Variants in CDC42BPA observed in about 807,000 individuals in gnomAD.
CDC42BPA encodes serine/threonine-protein kinase MRCK alpha.
CDC42BPA carries 80 observed loss-of-function variants against 223.5 expected under a neutral mutation model. That is an observed-to-expected ratio of 0.36 (90% CI 0.30 to 0.43). The LOEUF is 0.43. CDC42BPA is among the 20% of genes least tolerant of loss of function. The probability of loss-of-function intolerance (pLI) is 1.00; values close to 1 mark genes in which losing one functional copy is unlikely to be tolerated. For synonymous variants in CDC42BPA, 694 were observed against 718.6 expected, an observed-to-expected ratio of 0.97 and a Z score of 0.55; for missense variants, 1,743 against 2,099.9, an observed-to-expected ratio of 0.83 and a Z score of 3.32.
Position 226,991,835 on chromosome 1 carries a change from C to T in CDC42BPA, c.*2433G>A, listed in dbSNP as rs1178691339. The T allele has an allele frequency of 6.6e-6, 1 of 151,832 alleles. No homozygotes were observed. Among genetic ancestry groups the T allele is most frequent in the African/African-American group, 2.4e-5 (1 of 41,256 alleles). 9.4% of individuals were successfully genotyped at this position (151,832 alleles called of 1,614,324 possible). The stretch of plus-strand genomic sequence containing the variant: ...TATAAGCAACAAAAATTCATAATTA[C>T]TTGTCAAAGCTACAAACTAATGGCT... On this transcript the variant is annotated 3_prime_UTR_variant, in exon 37 of 37. Transcript: ENST00000366766.
intron 21 of CDC42BPA, among the ~76,000 whole-genome samples, chr1:227,065,146 C>T (rs1171395427): frequency 2.0e-5 from 3 of 147,036 alleles, no homozygotes; most frequent in Non-Finnish European, 4.5e-5. Context: ...CCTTCTTTAT[C>T]TGTCCTAAAG....
intron 6 of CDC42BPA, among the ~76,000 whole-genome samples, chr1:227,158,442 T>G (rs1422797056): frequency 1.3e-5 from 2 of 152,222 alleles, no homozygotes; most frequent in Non-Finnish European, 2.9e-5. Flanking sequence ...TTGATTCTAT[T>G]ATCTTCTTAT....
chr1:227,218,710 A>G (rs879741544), intron 2 of CDC42BPA, among the ~76,000 whole-genome samples: 7 of 152,214 alleles, frequency 4.6e-5, no homozygotes, highest in Non-Finnish European at 8.8e-5. Context: ...CATCATACCT[A>G]TAATTCTGAT....
intron 19 of CDC42BPA, among the ~76,000 whole-genome samples, chr1:227,072,986 A>G (rs1678715142): frequency 6.6e-6 from 1 of 152,126 alleles, no homozygotes; most frequent in Non-Finnish European, 1.5e-5. Context: ...TATAGCAAAA[A>G]GCTTATAAAC....
intron 6 of CDC42BPA, among the ~76,000 whole-genome samples, chr1:227,157,728 T>C (rs188971716): frequency 6.6e-6 from 1 of 152,158 alleles, no homozygotes; most frequent in African/African-American, 2.4e-5. Context: ...TCAATATTTT[T>C]CTCTGTTTTT....
At chr1:227,008,144 T>C (rs986392790) in intron 34 of CDC42BPA, among the ~76,000 whole-genome samples, 2 of 152,218 alleles carry the variant, frequency 1.3e-5, no homozygotes, top group African/African-American at 2.4e-5. Context: ...TGAAAGATAT[T>C]TGCTGAATAA....
chr1:227,112,454 C>T lies in CDC42BPA; in HGVS notation c.1891-32G>A, dbSNP rs368009867. The T allele has an allele frequency of 3.8e-5, 56 of 1,462,112 alleles. No individual in the cohort carries two copies. The Admixed American group carries it at 5.2e-4, about 14-fold the overall frequency. The allele number at this position is 1,462,112 out of a possible 1,614,324, so 90.6% of individuals were successfully genotyped here. On this transcript the variant is annotated intron_variant, in intron 13 of 36. Coordinates refer to ENST00000366766, the MANE Select transcript of CDC42BPA (RefSeq NM_001394014.1). ...AACAGAATGAAAAATGCAGATTTCA[C>T]GGTTATAATTTTTTTCCAAACAAAA...
chr1:227,020,389 G>A (rs537137420), intron 32 of CDC42BPA, among the ~76,000 whole-genome samples: 1 of 152,218 alleles, frequency 6.6e-6, no homozygotes, highest in African/African-American at 2.4e-5. Flanking sequence ...TAGCTAAACT[G>A]AATTTCGTAT....
chr1:227,253,232 G>C lies in CDC42BPA; in HGVS notation c.270+832C>G, dbSNP rs555711059. On this transcript the variant is annotated intron_variant, in intron 2 of 36. Coordinates refer to ENST00000366766, the MANE Select transcript of CDC42BPA (RefSeq NM_001394014.1). The stretch of plus-strand genomic sequence containing the variant: ...AGAGAGAGGAGAGAGAGAGGAGGGA[G>C]AGAGAGAAAGAGAGCGAGAGAGAGA... Among the ~76,000 whole-genome samples, 42 of 145,126 alleles carry C rather than the reference G, an allele frequency of 2.9e-4. No homozygotes were observed. The East Asian group carries it at 6.4e-3, about 22-fold the overall frequency.
chr1:227,020,895 C>T (rs962515430), intron 32 of CDC42BPA, among the ~76,000 whole-genome samples: 3 of 152,130 alleles, frequency 2.0e-5, no homozygotes, highest in African/African-American at 7.2e-5. Context: ...TGCGACTCTT[C>T]AGTTGAACAC....
At chr1:227,310,725 C>T (rs1225695054) in intron 1 of CDC42BPA, among the ~76,000 whole-genome samples, 1 of 147,860 alleles carries the variant, frequency 6.8e-6, no homozygotes, top group Non-Finnish European at 1.5e-5. Context: ...CTTGCTCTGT[C>T]GCCCAGACTG....
At chr1:227,034,863 G>A (rs1178385554) in intron 25 of CDC42BPA, 69 bp from the exon 26 acceptor site, 1 of 1,401,876 alleles carries the variant, frequency 7.1e-7, no homozygotes, top group African/African-American at 1.4e-5. Context: ...AATTACATAT[G>A]TAATTGCATG....
At chr1:227,056,450 C>A (rs1674580373) in intron 21 of CDC42BPA, among the ~76,000 whole-genome samples, 1 of 151,660 alleles carries the variant, frequency 6.6e-6, no homozygotes, top group Non-Finnish European at 1.5e-5. Flanking sequence ...GGCAGTGGCA[C>A]AATCACGGGT....
At chr1:227,133,516 T>C (rs972387936) in intron 10 of CDC42BPA, among the ~76,000 whole-genome samples, 3 of 152,116 alleles carry the variant, frequency 2.0e-5, no homozygotes, top group Non-Finnish European at 4.4e-5. Context: ...TTTTGTGGAA[T>C]AGAAAGGGGG....
chr1:227,042,410 G>C (rs1572435449), intron 23 of CDC42BPA, among the ~76,000 whole-genome samples: 1 of 151,902 alleles, frequency 6.6e-6, no homozygotes, highest in Non-Finnish European at 1.5e-5. Context: ...TTTTGGCTGA[G>C]CATTAATTTT....
At chr1:227,065,253 C>T (rs1676798342) in intron 21 of CDC42BPA, among the ~76,000 whole-genome samples, 1 of 152,022 alleles carries the variant, frequency 6.6e-6, no homozygotes, top group African/African-American at 2.4e-5. Flanking sequence ...GTAACCTATC[C>T]ACTCTTAATA....
chr1:227,017,313 A>G (rs1053335312), intron 32 of CDC42BPA, among the ~76,000 whole-genome samples: 2 of 152,180 alleles, frequency 1.3e-5, no homozygotes, highest in Non-Finnish European at 2.9e-5. Context: ...TTACTAGAAG[A>G]AAACTGCAGT....
In CDC42BPA at chr1:227,073,789, A is replaced by G. The variant is rs189572552; in HGVS notation, c.2735+75T>C. On this transcript the variant is annotated intron_variant, in intron 19 of 36. Coordinates refer to ENST00000366766, the MANE Select transcript of CDC42BPA (RefSeq NM_001394014.1). ...TTCTAAAAGCAAGCAATGGAAACTA[A>G]ACATGTAACTTCTCTCCAAATAATT... 4.9e-6 allele frequency: 6 copies of G among 1,212,170 alleles called. No individual in the cohort carries two copies. In the East Asian group the frequency reaches 1.3e-4, roughly 26 times the overall value. 75.1% of individuals were successfully genotyped at this position (1,212,170 alleles called of 1,614,324 possible). A position where few individuals can be genotyped will look rare whatever the true frequency, so the allele number is the denominator to read the frequency against.
chr1:227,258,828 T>A (rs1209337805), intron 1 of CDC42BPA, among the ~76,000 whole-genome samples: 1 of 150,610 alleles, frequency 6.6e-6, no homozygotes, highest in Non-Finnish European at 1.5e-5. Flanking sequence ...TCAAGCACAC[T>A]CTATGATTAA....
Sources: gnomAD v4.1 joint callset for allele counts (sites outside exome capture counted in the v4.1 genomes callset) on GRCh38, gnomAD v4.1.1 for gene constraint, MANE v1.5 for transcripts, NCBI Gene and HGNC (gene_info 2026-07-23, HGNC 2026-07-21) for gene names.